Variants in PTPRK observed in about 807,000 individuals in gnomAD.
The protein encoded by PTPRK is receptor-type tyrosine-protein phosphatase kappa.
A neutral mutation model predicts 178.0 loss-of-function variants in PTPRK; 75 were observed. The ratio of observed to expected loss-of-function variants is 0.42; its 90% CI spans 0.35 to 0.51. The LOEUF (loss-of-function observed/expected upper bound fraction) is 0.51. Ranked by LOEUF, PTPRK falls within the 20% of genes least tolerant of loss-of-function variation. PTPRK has a pLI of 0.02. For missense variants in PTPRK, 1,441 were observed against 1,797.8 expected (o/e 0.80, Z 3.59); for synonymous variants, 637 against 620.6 (o/e 1.03, Z -0.39).
At chr6:128,131,352 C>A (rs998232655) in intron 7 of PTPRK, among the ~76,000 whole-genome samples, 2 of 152,262 alleles carry the variant, frequency 1.3e-5, no homozygotes, top group African/African-American at 4.8e-5. Flanking sequence ...GAGGGCTACA[C>A]AAACCATGCC....
At chr6:128,083,918 A>C in intron 8 of PTPRK, 94 bp from the exon 9 acceptor site, 1 of 535,570 alleles carries the variant, frequency 1.9e-6, no homozygotes, top group East Asian at 3.4e-5. Flanking sequence ...TTAAAAATAA[A>C]TATAAAGAAA....
chr6:128,078,788 A>G lies in PTPRK; in HGVS notation c.1883+25T>C, dbSNP rs772571624. The G allele has an allele frequency of 2.6e-6, 4 of 1,532,408 alleles. No individual in the cohort carries two copies. The Admixed American group carries it at 6.7e-5, about 26-fold the overall frequency. 94.9% of individuals were successfully genotyped at this position (1,532,408 alleles called of 1,614,324 possible). The stretch of plus-strand genomic sequence containing the variant: ...ATGTACATACCTGTGGATAAGGCAG[A>G]ACTACTGTAGTTTTCTCCTCTTACC... On this transcript the variant is annotated intron_variant, in intron 11 of 29. Transcript: ENST00000368226.
At chr6:128,173,087 A>T (rs756143813) in intron 7 of PTPRK, among the ~76,000 whole-genome samples, 3 of 151,996 alleles carry the variant, frequency 2.0e-5, no homozygotes, top group Non-Finnish European at 2.9e-5. Context: ...CTGGGATTGG[A>T]TGATAAAAAC....
intron 7 of PTPRK, among the ~76,000 whole-genome samples, chr6:128,150,262 C>A (rs957310327): frequency 6.6e-6 from 1 of 152,062 alleles, no homozygotes; most frequent in African/African-American, 2.4e-5. Flanking sequence ...CTTTTAATAT[C>A]ACATAAAATC....
At chr6:127,979,986 G>A (rs1775097777) in intron 25 of PTPRK, among the ~76,000 whole-genome samples, 1 of 152,122 alleles carries the variant, frequency 6.6e-6, no homozygotes, top group Admixed American at 6.5e-5. Context: ...AGACCAGCCT[G>A]GCCAATGTGG....
At chr6:128,133,295 G>A (rs1380378110) in intron 7 of PTPRK, among the ~76,000 whole-genome samples, 2 of 151,966 alleles carry the variant, frequency 1.3e-5, no homozygotes, top group Non-Finnish European at 2.9e-5. Context: ...TTTAAAATTT[G>A]TATTATTTTG....
chr6:128,137,272 T>C (rs1238135098), intron 7 of PTPRK, among the ~76,000 whole-genome samples: 1 of 152,190 alleles, frequency 6.6e-6, no homozygotes, highest in Non-Finnish European at 1.5e-5. Flanking sequence ...TTTTTACTTA[T>C]TGCCTTAGGG....
intron 3 of PTPRK, among the ~76,000 whole-genome samples, chr6:128,279,047 C>T (rs1821257674): frequency 6.6e-6 from 1 of 152,012 alleles, no homozygotes; most frequent in African/African-American, 2.4e-5. Flanking sequence ...TCACAAAGTG[C>T]TGTGTGTTTA....
intron 6 of PTPRK, among the ~76,000 whole-genome samples, chr6:128,195,720 C>G (rs1441741845): frequency 1.3e-5 from 2 of 151,958 alleles, no homozygotes; most frequent in South Asian, 2.1e-4. Flanking sequence ...ACTACTAACT[C>G]CAAAGCAGTC....
chr6:128,210,005 G>T (rs1807801692), intron 6 of PTPRK, among the ~76,000 whole-genome samples: 1 of 152,094 alleles, frequency 6.6e-6, no homozygotes. Context: ...CTGACTTACT[G>T]TGTCATACAG....
intron 27 of PTPRK, among the ~76,000 whole-genome samples, 177 bp from the exon 28 acceptor site, chr6:127,974,004 C>T (rs571803795): frequency 2.3e-4 from 35 of 152,168 alleles, no homozygotes; most frequent in Non-Finnish European, 4.4e-4. Context: ...CAGCAGGAAA[C>T]ATGGCAATCA....
rs1439566748 is a variant in PTPRK, at chr6:128,053,671, G to A, written c.2194+11087C>T. 3.3e-5 allele frequency among the ~76,000 whole-genome samples: 5 copies of A among 152,084 alleles called. No homozygotes were observed. The East Asian group carries it at 9.7e-4, about 29-fold the overall frequency. ...GCTCTGACTTCCCACATGGGGTTGT[G>A]CCACCCACCGTCCCCATGAAGACAA... is the stretch of plus-strand genomic sequence containing the variant. On this transcript the variant is annotated intron_variant, in intron 13 of 29. Coordinates refer to ENST00000368226, the MANE Select transcript of PTPRK (RefSeq NM_002844.4).
intron 2 of PTPRK, among the ~76,000 whole-genome samples, chr6:128,348,696 TG>T (rs1173184735): frequency 6.6e-6 from 1 of 152,058 alleles, no homozygotes; most frequent in African/African-American, 2.4e-5. Context: ...ATGGTCGAAT[TG>T]AAGAGAATTA....
chr6:128,161,833 T>C (rs1347226060), intron 7 of PTPRK, among the ~76,000 whole-genome samples: 1 of 151,582 alleles, frequency 6.6e-6, no homozygotes, highest in Non-Finnish European at 1.5e-5. Flanking sequence ...TATTTGTCAA[T>C]TTAAAACAAA....
intron 1 of PTPRK, among the ~76,000 whole-genome samples, chr6:128,413,699 G>A (rs970698766): frequency 7.2e-5 from 11 of 152,146 alleles, no homozygotes; most frequent in African/African-American, 2.2e-4. Context: ...AATTGAGAAT[G>A]ACTTTAAGAA....
At chr6:127,976,820 T>C in intron 26 of PTPRK, 38 bp from the exon 27 acceptor site, 1 of 1,608,516 alleles carries the variant, frequency 6.2e-7, no homozygotes, top group Non-Finnish European at 8.5e-7. Flanking sequence ...AAAAAAAGAG[T>C]ATTATTTTTT....
chr6:128,280,332 T>C (rs1464620892), intron 3 of PTPRK, among the ~76,000 whole-genome samples: 1 of 152,148 alleles, frequency 6.6e-6, no homozygotes, highest in African/African-American at 2.4e-5. Context: ...TCCTAGTAGC[T>C]TCTCAATGTC....
chr6:128,409,228 A>G (rs1842025002), intron 1 of PTPRK: 1 of 417,234 alleles, frequency 2.4e-6, no homozygotes, highest in Non-Finnish European at 4.7e-6. Context: ...TCAGCCAACA[A>G]TAAACTTATC....
At chr6:128,351,055 A>T (rs1833053540) in intron 2 of PTPRK, among the ~76,000 whole-genome samples, 1 of 152,244 alleles carries the variant, frequency 6.6e-6, no homozygotes, top group African/African-American at 2.4e-5. Context: ...CAGGAATCTA[A>T]AAGAGACAGC....
Sources: allele counts gnomAD v4.1 joint callset (sites outside exome capture counted in the v4.1 genomes callset), GRCh38; gene constraint gnomAD v4.1.1; transcripts MANE v1.5; gene names NCBI Gene and HGNC (gene_info 2026-07-23, HGNC 2026-07-21).